Variants in PKP4 observed in about 807,000 individuals in gnomAD.
PKP4 encodes plakophilin-4.
In PKP4, 90 loss-of-function variants were observed where a neutral mutation model predicts 145.1. That is an observed-to-expected ratio of 0.62 (90% CI 0.52 to 0.74). PKP4 has a LOEUF of 0.74. Among genes scored for constraint, PKP4 ranks in the 30% least tolerant of loss-of-function variants. The pLI is 0.00. For missense variants in PKP4, 1,340 were observed against 1,482.7 expected, an observed-to-expected ratio of 0.90 and a Z score of 1.58; for synonymous variants, 563 against 577.2, an observed-to-expected ratio of 0.98 and a Z score of 0.35.
At chr2:158,593,099 T>A (rs1023623640) in intron 3 of PKP4, among the ~76,000 whole-genome samples, 11 of 152,180 alleles carry the variant, frequency 7.2e-5, no homozygotes, top group Non-Finnish European at 1.5e-4. Context: ...TAAATTTTTT[T>A]AAATTTCCTT....
chr2:158,510,062 T>C (rs139156459), intron 1 of PKP4, among the ~76,000 whole-genome samples: 1 of 152,290 alleles, frequency 6.6e-6, no homozygotes, highest in African/African-American at 2.4e-5. Context: ...ATTCTTCCTT[T>C]AAGAAATTCA....
At chr2:158,495,487 A>G (rs1455775942) in intron 1 of PKP4, among the ~76,000 whole-genome samples, 1 of 152,052 alleles carries the variant, frequency 6.6e-6, no homozygotes, top group Non-Finnish European at 1.5e-5. Context: ...AATTCTAAAT[A>G]TTAGTACATC....
At chr2:158,614,416 A>G (rs1338525621) in intron 4 of PKP4, among the ~76,000 whole-genome samples, 1 of 152,214 alleles carries the variant, frequency 6.6e-6, no homozygotes, top group African/African-American at 2.4e-5. Context: ...GACATAAATG[A>G]TATGAAGAAA....
intron 2 of PKP4, among the ~76,000 whole-genome samples, chr2:158,567,720 G>A (rs1455841676): frequency 6.6e-6 from 1 of 152,130 alleles, no homozygotes; most frequent in African/African-American, 2.4e-5. Flanking sequence ...AACATATCAG[G>A]AAAAAATGTA....
chr2:158,477,317 G>A (rs1692640664), intron 1 of PKP4, among the ~76,000 whole-genome samples: 1 of 152,150 alleles, frequency 6.6e-6, no homozygotes, highest in South Asian at 2.1e-4. Flanking sequence ...GCCTGGGCTA[G>A]GTACCTTGTT....
At chr2:158,459,882 G>C (rs2105370183) in intron 1 of PKP4, among the ~76,000 whole-genome samples, 1 of 152,230 alleles carries the variant, frequency 6.6e-6, no homozygotes, top group South Asian at 2.1e-4. Flanking sequence ...CTTTCAGTTA[G>C]AAATGCTTTC....
At position 158,605,151 on chromosome 2, in the gene PKP4, T is replaced by C. The variant is rs370086099; in HGVS notation, c.280+2047T>C. Among the ~76,000 whole-genome samples, 3 of 152,286 alleles carry C rather than the reference T, an allele frequency of 2.0e-5. No individual in the cohort carries two copies. In the East Asian group the frequency reaches 5.8e-4, roughly 29 times the overall value. On this transcript the variant is annotated intron_variant, in intron 4 of 21. Coordinates refer to ENST00000389759, the MANE Select transcript of PKP4 (RefSeq NM_003628.6). Reference sequence around the variant, plus strand: ...TGTGTGGATGGTAGACCCTAGGTGATTCACCACCTGAGCGAATGAATACTG... The same window carrying C: ...TGTGTGGATGGTAGACCCTAGGTGACTCACCACCTGAGCGAATGAATACTG...
chr2:158,568,334 A>G (rs989007333), intron 2 of PKP4, among the ~76,000 whole-genome samples: 1 of 152,066 alleles, frequency 6.6e-6, no homozygotes, highest in African/African-American at 2.4e-5. Context: ...GCTAAACTCC[A>G]TCTACGAAAG....
intron 3 of PKP4, chr2:158,588,319 G>A (rs1377079557): frequency 6.6e-6 from 1 of 152,052 alleles, no homozygotes. Flanking sequence ...TCTCTTGCTT[G>A]CTTGCTTTCT....
intron 13 of PKP4, 171 bp from the exon 14 acceptor site, chr2:158,662,726 C>T: frequency 1.8e-6 from 1 of 544,972 alleles, no homozygotes. Context: ...TCTGGGTATT[C>T]CACAAACACT....
At chr2:158,496,790 G>GTGTGTGTCTATGTC (rs146738816) in intron 1 of PKP4, among the ~76,000 whole-genome samples, 1 of 149,954 alleles carries the variant, frequency 6.7e-6, no homozygotes, top group Admixed American at 6.7e-5. Context: ...GTGTGTGTGT[G>GTGTGTGTCTATGTC]TGTGTCTGTG....
intron 1 of PKP4, among the ~76,000 whole-genome samples, chr2:158,528,345 G>A (rs1184425715): frequency 7.4e-6 from 1 of 134,422 alleles, no homozygotes; most frequent in Non-Finnish European, 1.6e-5. Flanking sequence ...TAGGGACATG[G>A]ATGAAATTGG....
chr2:158,582,566 A>G (rs538032312), intron 3 of PKP4, among the ~76,000 whole-genome samples: 4 of 152,286 alleles, frequency 2.6e-5, no homozygotes, highest in South Asian at 4.1e-4. Context: ...GAATTCCACA[A>G]TTCATGTGTC....
chr2:158,519,107 C>T (rs1393987337), intron 1 of PKP4, among the ~76,000 whole-genome samples: 2 of 151,366 alleles, frequency 1.3e-5, no homozygotes, highest in African/African-American at 4.8e-5. Context: ...AAGCTCTAGT[C>T]ACCAAACTGT....
At chr2:158,495,075 G>A (rs929973429) in intron 1 of PKP4, among the ~76,000 whole-genome samples, 2 of 151,782 alleles carry the variant, frequency 1.3e-5, no homozygotes, top group Admixed American at 1.3e-4. Context: ...AAAATTAGCC[G>A]GGCACGGTGG....
chr2:158,588,066 C>T (rs984357155), intron 3 of PKP4, among the ~76,000 whole-genome samples: 2 of 151,956 alleles, frequency 1.3e-5, no homozygotes, highest in Non-Finnish European at 2.9e-5. Flanking sequence ...ATATCATAGA[C>T]ATTAAACTGT....
intron 11 of PKP4, among the ~76,000 whole-genome samples, chr2:158,643,424 G>T (rs540237023): frequency 6.6e-6 from 1 of 152,226 alleles, no homozygotes; most frequent in African/African-American, 2.4e-5. Flanking sequence ...TTAAAACCTC[G>T]TGAGGGCCAA....
intron 2 of PKP4, among the ~76,000 whole-genome samples, chr2:158,552,127 A>G (rs2045685725): frequency 6.6e-6 from 1 of 152,254 alleles, no homozygotes; most frequent in African/African-American, 2.4e-5. Flanking sequence ...AGAGAGACAC[A>G]CGAGAAGGCT....
At chr2:158,618,798 A>G (rs1326200895) in intron 4 of PKP4, among the ~76,000 whole-genome samples, 1 of 151,954 alleles carries the variant, frequency 6.6e-6, no homozygotes, top group Non-Finnish European at 1.5e-5. Context: ...ATAAAATTCT[A>G]ATGGTTTTGG....
Sources: allele counts gnomAD v4.1 joint callset (sites outside exome capture counted in the v4.1 genomes callset), GRCh38; gene constraint gnomAD v4.1.1; transcripts MANE v1.5; gene names NCBI Gene and HGNC (gene_info 2026-07-23, HGNC 2026-07-21).